Variants in DNAH2 observed in about 807,000 individuals in gnomAD.
DNAH2 encodes dynein axonemal heavy chain 2, also known as axonemal beta dynein heavy chain 2.
A neutral mutation model predicts 523.5 loss-of-function variants in DNAH2; 323 were observed. That is an observed-to-expected ratio of 0.62 (90% confidence interval 0.56 to 0.68). The LOEUF (loss-of-function observed/expected upper bound fraction) is 0.68. Among genes scored for constraint, DNAH2 ranks in the 30% least tolerant of loss-of-function variants. DNAH2 has a pLI of 0.00. For missense variants in DNAH2, 4,907 were observed against 5,701.5 expected, an observed-to-expected ratio of 0.86 and a Z score of 4.49; for synonymous variants, 2,093 against 2,177.4, an observed-to-expected ratio of 0.96 and a Z score of 1.08.
chr17:7,810,978 G>A (rs1027834454), intron 63 of DNAH2, among the ~76,000 whole-genome samples: 9 of 152,210 alleles, frequency 5.9e-5, no homozygotes, highest in African/African-American at 1.7e-4. Flanking sequence ...AACCAGTGGC[G>A]TAGATAGGGC....
In DNAH2 at chr17:7,807,652, C is replaced by T. The variant is rs139608880; in HGVS notation, c.9729+66C>T. On this transcript the variant is annotated intron_variant, in intron 63 of 85. Coordinates refer to ENST00000572933, the MANE Select transcript of DNAH2 (RefSeq NM_020877.5). This position sits in a 1 kb window ranked among gnomAD's most constrained non-coding sequence, Gnocchi z 5.6. ...CTGAGTTCTGGATTGCTTCATTAAG[C>T]ATTTGTTTTCCCCCATCTAATTCTA... 1 of 1,394,502 alleles carries T rather than the reference C, an allele frequency of 7.2e-7. No homozygotes were observed. The highest frequency in any genetic ancestry group is 1.0e-6 in the Non-Finnish European group (1 of 995,472). The allele number at this position is 1,394,502 out of a possible 1,614,324, so 86.4% of individuals were successfully genotyped here. A position where few individuals can be genotyped will look rare whatever the true frequency, so the allele number is the denominator to read the frequency against.
At position 7,801,897 on chromosome 17, in the gene DNAH2, A is replaced by G; in HGVS notation, c.8852A>G (p.Gln2951Arg). ...CCTCAGATCCACAGGAAGGTGGCCC[A>G]GATCTTTGTCACTATGCACTGGTCA... Reference protein sequence around the residue: ...TQENIHRKVAQIFVTMHWSVA... With the variant: ...TQENIHRKVARIFVTMHWSVA... The change falls in exon 58 of 86, where the codon CAG becomes CGG. Residue 2951 changes from glutamine to arginine, a missense_variant. By Grantham distance (43) the Gln-to-Arg change is conservative (BLOSUM62 1). Transcript: ENST00000572933. 6.2e-7 allele frequency: 1 copy of G among 1,614,216 alleles called. No individual in the cohort carries two copies.
At chr17:7,749,010 C>T (rs908556088) in intron 12 of DNAH2, among the ~76,000 whole-genome samples, 1 of 151,638 alleles carries the variant, frequency 6.6e-6, no homozygotes, top group African/African-American at 2.4e-5. Context: ...TTAAAGTTAT[C>T]TTGAAAATCT....
At position 7,819,239 on chromosome 17, in the gene DNAH2, A is replaced by G. The variant is rs1271164262; in HGVS notation, c.10846A>G (p.Ile3616Val). 5 of 1,613,838 alleles carry G rather than the reference A, an allele frequency of 3.1e-6. No individual in the cohort carries two copies. The highest frequency in any genetic ancestry group is 1.6e-4 in the Middle Eastern group (1 of 6,082). ...AYRPCAQRAS[I>V]LFFVLNDMGC... ...CCGCCCATGCGCCCAGCGGGCATCA[A>G]TCCTGTTCTTCGTGCTCAATGATAT... is the stretch of plus-strand genomic sequence containing the variant. Residue 3616 changes from isoleucine (I) to valine (V), a missense_variant, in exon 72 of 86, where the codon ATC (isoleucine) becomes GTC (valine). This residue lies in a region of DNAH2 where 1,851 missense variants were observed against 2,139.4 expected (regional missense o/e 0.87). Transcript: ENST00000572933.
At chr17:7,726,701 C>T (rs1444461693) in intron 3 of DNAH2, among the ~76,000 whole-genome samples, 1 of 152,220 alleles carries the variant, frequency 6.6e-6, no homozygotes, top group Non-Finnish European at 1.5e-5. Context: ...TGGACTCCAT[C>T]GTGAAGAAAT....
At position 7,780,328 on chromosome 17, in the gene DNAH2, C is replaced by T. The variant is rs780974880; in HGVS notation, c.5850+44C>T. 6.2e-7 allele frequency: 1 copy of T among 1,613,276 alleles called. No homozygotes were observed. The highest frequency in any genetic ancestry group is 8.5e-7 in the Non-Finnish European group (1 of 1,179,714). The stretch of plus-strand genomic sequence containing the variant: ...TTCTCCAGTGATTTTAATTTCCTTT[C>T]ATAATTATTCCCTGGACAGAGGAGC... On this transcript the variant is annotated intron_variant, in intron 37 of 85. Transcript: ENST00000572933. The surrounding 1 kb of genome is among the most constrained non-coding windows in gnomAD (Gnocchi z 4.4).
intron 42 of DNAH2, 37 bp downstream of exon 42, chr17:7,787,070 G>A: frequency 6.2e-7 from 1 of 1,610,458 alleles, no homozygotes; most frequent in Non-Finnish European, 8.5e-7. Flanking sequence ...GCCTGCAGAG[G>A]CAGGCACCGG....
chr17:7,787,298 A>G, intron 42 of DNAH2: 1 of 541,436 alleles, frequency 1.8e-6, no homozygotes, highest in Non-Finnish European at 3.3e-6. Flanking sequence ...GTTCTCACGG[A>G]TGCATGAGGC....
intron 20 of DNAH2, among the ~76,000 whole-genome samples, 162 bp from the exon 21 acceptor site, chr17:7,765,228 GA>G (rs2076130655): frequency 2.7e-5 from 4 of 149,038 alleles, no homozygotes; most frequent in African/African-American, 9.8e-5. Flanking sequence ...TGAGAGGGCA[GA>G]CCTCCTGCTC....
At chr17:7,810,935 G>T (rs906931913) in intron 63 of DNAH2, among the ~76,000 whole-genome samples, 22 of 152,196 alleles carry the variant, frequency 1.4e-4, no homozygotes, top group Non-Finnish European at 1.5e-5. Flanking sequence ...TTACTCACTT[G>T]TCAGCTAGTT....
chr17:7,723,441 T>G (rs1369790044), intron 2 of DNAH2, among the ~76,000 whole-genome samples, 187 bp from the exon 3 acceptor site: 1 of 151,322 alleles, frequency 6.6e-6, no homozygotes, highest in East Asian at 1.9e-4. Context: ...CCTGGCTAAT[T>G]TTGTATTTTT....
chr17:7,750,399 C>A (rs74985562), intron 12 of DNAH2, among the ~76,000 whole-genome samples: 1 of 152,166 alleles, frequency 6.6e-6, no homozygotes, highest in South Asian at 2.1e-4. Context: ...GGACTTCCCT[C>A]AGCCTCTTTC....
chr17:7,777,352 C>G (rs2076483709), intron 32 of DNAH2, 94 bp from the exon 33 acceptor site: 1 of 1,406,358 alleles, frequency 7.1e-7, no homozygotes, highest in African/African-American at 1.4e-5. Context: ...GGGGTCAGCA[C>G]CGGGTTGGAA....
chr17:7,786,394 G>A lies in DNAH2; in HGVS notation c.6348+52G>A, dbSNP rs770823062. The A allele has an allele frequency of 6.3e-6, 10 of 1,579,674 alleles. 1 individual carries two copies. In the South Asian group the frequency reaches 1.0e-4, roughly 16 times the overall value. Reference sequence around the variant, plus strand: ...TGGGCAGAGACTTGAGTAGTAAGAAGACAATGGAGGGTGGGGGCCAGGGAG... The same window carrying A: ...TGGGCAGAGACTTGAGTAGTAAGAAAACAATGGAGGGTGGGGGCCAGGGAG... On this transcript the variant is annotated intron_variant, in intron 40 of 85. Transcript: ENST00000572933. This position sits in a 1 kb window ranked among gnomAD's most constrained non-coding sequence, Gnocchi z 7.5.
rs1450703989 is a variant in DNAH2 at position 7,734,496 on chromosome 17, A to G, written c.766A>G (p.Ile256Val). ...ETSMIHWTRQ[I>V]KEMLSAQETV... The stretch of plus-strand genomic sequence containing the variant: ...CTCCATGATCCACTGGACCCGGCAG[A>G]TAAAGGAGATGCTCAGTGCCCAGGA... The change falls in exon 7 of 86, where the codon ATA (isoleucine) becomes GTA (valine). Residue 256 changes from isoleucine to valine, a missense_variant. Ile to Val is a conservative substitution (Grantham distance 29). Coordinates refer to ENST00000572933, the MANE Select transcript of DNAH2 (RefSeq NM_020877.5). The G allele has an allele frequency of 6.2e-7, 1 of 1,613,962 alleles. No individual in the cohort carries two copies. The highest frequency in any genetic ancestry group is 2.2e-5 in the East Asian group (1 of 44,884).
chr17:7,805,240 CT>C lies in DNAH2; in HGVS notation c.9301-8del, dbSNP rs775485299. 27 of 1,614,012 alleles carry C rather than the reference CT, an allele frequency of 1.7e-5. No homozygotes were observed. In the East Asian group the frequency reaches 5.6e-4, roughly 33 times the overall value. The stretch of plus-strand genomic sequence containing the variant: ...TCCTGTCTTACCCTCACTTTATCCC[CT>C]TTTCCCCCAGGCCCTGGAGTCTCTG... On this transcript the variant is annotated splice_polypyrimidine_tract_variant and intron_variant, in intron 60 of 85. Transcript: ENST00000572933.
chr17:7,781,504 C>T (rs773055202), intron 39 of DNAH2, among the ~76,000 whole-genome samples: 15 of 151,646 alleles, frequency 9.9e-5, no homozygotes, highest in Non-Finnish European at 2.1e-4. Context: ...ACAAAAAAAC[C>T]GCACTCTCCC....
chr17:7,767,488 A>C (rs991174700), intron 22 of DNAH2, among the ~76,000 whole-genome samples: 1 of 151,896 alleles, frequency 6.6e-6, no homozygotes, highest in Non-Finnish European at 1.5e-5. Context: ...TGGAAACTCT[A>C]TGTTTAACTT....
chr17:7,797,333 T>C lies in DNAH2; in HGVS notation c.7950-67T>C, dbSNP rs1002973957. 4.6e-5 allele frequency: 75 copies of C among 1,613,330 alleles called. No homozygotes were observed. The East Asian group carries it at 1.7e-3, about 36-fold the overall frequency. On this transcript the variant is annotated intron_variant, in intron 51 of 85. Transcript: ENST00000572933. ...TCCCACCCCTACTTTGTTCCCAGCCTGACACTGCCTTCCCCAGGCCATTCT... is the reference window on the plus strand; with the variant it reads ...TCCCACCCCTACTTTGTTCCCAGCCCGACACTGCCTTCCCCAGGCCATTCT...
Sources: allele counts gnomAD v4.1 joint callset (sites outside exome capture counted in the v4.1 genomes callset), GRCh38; gene constraint gnomAD v4.1.1; regional missense constraint gnomAD v4.1.1; non-coding constraint Gnocchi (gnomAD v3.1); transcripts MANE v1.5; gene names NCBI Gene and HGNC (gene_info 2026-07-23, HGNC 2026-07-21).